The following LRP1B variants were observed in gnomAD, a reference collection of about 807,000 sequenced individuals.
The protein encoded by LRP1B is LDL receptor related protein 1B, also known as low-density lipoprotein receptor-related protein 1B.
A neutral mutation model predicts 556.6 loss-of-function variants in LRP1B; 217 were observed. The ratio of observed to expected loss-of-function variants is 0.39; its 90% CI spans 0.35 to 0.44. LRP1B has a LOEUF of 0.44. LRP1B is among the 20% of genes least tolerant of loss of function. The probability of loss-of-function intolerance (pLI) is 1.00; values close to 1 mark genes in which losing one functional copy is unlikely to be tolerated. For synonymous variants in LRP1B, 2,047 were observed against 1,865.8 expected (o/e 1.10, Z -2.50); for missense variants, 5,053 against 5,620.8 (o/e 0.90, Z 3.23).
intron 29 of LRP1B, among the ~76,000 whole-genome samples, chr2:140,849,127 C>T (rs439460): frequency 3.4e-4 from 49 of 142,416 alleles, no homozygotes; most frequent in East Asian, 1.9e-3. Flanking sequence ...GAGGCCAAGG[C>T]GGGTGGATTG....
At chr2:140,862,061 T>A (rs561610176) in intron 27 of LRP1B, among the ~76,000 whole-genome samples, 1 of 152,324 alleles carries the variant, frequency 6.6e-6, no homozygotes, top group South Asian at 2.1e-4. Flanking sequence ...TTGCCTTCAA[T>A]CTACAATTGA....
At chr2:140,877,641 A>T (rs529555109) in intron 25 of LRP1B, among the ~76,000 whole-genome samples, 66 of 152,150 alleles carry the variant, frequency 4.3e-4, no homozygotes, top group Non-Finnish European at 8.4e-4. Context: ...TGCCTTCTTT[A>T]CAGAGGCTAA....
chr2:141,242,366 C>T (rs1329152753), intron 5 of LRP1B, among the ~76,000 whole-genome samples: 1 of 152,024 alleles, frequency 6.6e-6, no homozygotes, highest in Non-Finnish European at 1.5e-5. Context: ...TAGGAAGTTA[C>T]ATTTTGTTTA....
chr2:141,607,709 G>A (rs908136589), intron 2 of LRP1B, among the ~76,000 whole-genome samples: 1 of 152,058 alleles, frequency 6.6e-6, no homozygotes, highest in Non-Finnish European at 1.5e-5. Context: ...GATTGTTTGA[G>A]TTCAGGAGTT....
intron 1 of LRP1B, among the ~76,000 whole-genome samples, chr2:142,081,326 T>G (rs1007197527): frequency 3.6e-4 from 54 of 152,016 alleles, no homozygotes; most frequent in Non-Finnish European, 6.8e-4. Flanking sequence ...ATGAGGGAGT[T>G]TTTTTTTCTA....
chr2:141,310,074 A>T (rs745502666), intron 3 of LRP1B, among the ~76,000 whole-genome samples: 5 of 152,152 alleles, frequency 3.3e-5, no homozygotes, highest in Non-Finnish European at 5.9e-5. Flanking sequence ...TTCCAAAAGA[A>T]AGGGGATAAT....
intron 43 of LRP1B, among the ~76,000 whole-genome samples, chr2:140,580,558 T>C (rs954276125): frequency 6.6e-6 from 1 of 152,198 alleles, no homozygotes; most frequent in Non-Finnish European, 1.5e-5. Flanking sequence ...TGTAACAGCC[T>C]ATTAAATAAT....
At chr2:140,716,611 T>A in intron 36 of LRP1B, 71 bp downstream of exon 36, 1 of 1,458,062 alleles carries the variant, frequency 6.9e-7, no homozygotes, top group Non-Finnish European at 9.2e-7. Flanking sequence ...TAGAAAAGAT[T>A]TTTTATGAAG....
At chr2:141,420,494 T>C (rs563321403) in intron 3 of LRP1B, among the ~76,000 whole-genome samples, 1 of 147,938 alleles carries the variant, frequency 6.8e-6, no homozygotes, top group African/African-American at 2.5e-5. Flanking sequence ...GCAGCTACTT[T>C]ACCAAAAGCT....
chr2:140,948,253 C>T (rs1039595384), intron 20 of LRP1B, among the ~76,000 whole-genome samples: 2 of 152,020 alleles, frequency 1.3e-5, no homozygotes, highest in African/African-American at 4.8e-5. Flanking sequence ...GCACACCCCA[C>T]GAGGAGCCTT....
At chr2:141,787,615 A>C (rs1199963191) in intron 2 of LRP1B, among the ~76,000 whole-genome samples, 2 of 151,920 alleles carry the variant, frequency 1.3e-5, no homozygotes, top group African/African-American at 2.4e-5. Context: ...AGAAAAAAAA[A>C]CAACTTCTTG....
At chr2:141,168,872 G>T (rs889822454) in intron 7 of LRP1B, among the ~76,000 whole-genome samples, 1 of 151,978 alleles carries the variant, frequency 6.6e-6, no homozygotes, top group African/African-American at 2.4e-5. Context: ...AATAATACAA[G>T]CAAAGAGCTT....
intron 2 of LRP1B, among the ~76,000 whole-genome samples, chr2:141,525,384 AC>A (rs1398002792): frequency 6.6e-6 from 1 of 151,984 alleles, no homozygotes; most frequent in African/African-American, 2.4e-5. Flanking sequence ...GGAATAGGCT[AC>A]TGCTTGGGGT....
intron 59 of LRP1B, among the ~76,000 whole-genome samples, chr2:140,479,503 TAAC>T (rs975680672): frequency 5.9e-5 from 9 of 152,194 alleles, no homozygotes; most frequent in African/African-American, 1.9e-4. Context: ...CTTGTAACCA[TAAC>T]AATAGGCCTC....
At chr2:141,803,322 G>A (rs1558886082) in intron 2 of LRP1B, among the ~76,000 whole-genome samples, 1 of 151,328 alleles carries the variant, frequency 6.6e-6, no homozygotes, top group Non-Finnish European at 1.5e-5. Flanking sequence ...CACTGTACTG[G>A]GCAAATGTAC....
rs1449829151 is a variant in LRP1B at position 141,055,251 on chromosome 2, G to C, written c.1417C>G (p.His473Asp). Residue 473 changes from histidine (H) to aspartate (D), a missense_variant, in exon 10 of 91, where the codon CAT (histidine) becomes GAT (aspartate). His to Asp is a moderately conservative substitution (Grantham distance 81, BLOSUM62 -1). This residue lies in a region of LRP1B where 3,619 missense variants were observed against 3,931.9 expected (regional missense o/e 0.92). Coordinates refer to ENST00000389484, the MANE Select transcript of LRP1B (RefSeq NM_018557.3). ...CCATATGGATCGACTTCACATGCAT[G>C]GCTTCTGACTACAACAAATAAAAAA... is the stretch of plus-strand genomic sequence containing the variant. ...QKRTQPTVRS[H>D]ACEVDPYGMP... 6.2e-7 allele frequency: 1 copy of C among 1,609,788 alleles called. No individual in the cohort carries two copies. The highest frequency in any genetic ancestry group is 1.1e-5 in the South Asian group (1 of 90,616).
intron 3 of LRP1B, among the ~76,000 whole-genome samples, chr2:141,404,544 G>T (rs1690559320): frequency 6.6e-6 from 1 of 152,076 alleles, no homozygotes; most frequent in Admixed American, 6.6e-5. Context: ...TTATTATTCT[G>T]CAATTATAAA....
chr2:140,395,516 G>C (rs1452624158), intron 66 of LRP1B, among the ~76,000 whole-genome samples: 1 of 152,180 alleles, frequency 6.6e-6, no homozygotes, highest in African/African-American at 2.4e-5. Flanking sequence ...AGGGAAAGTG[G>C]ACAGGTTATG....
At chr2:141,008,471 T>C (rs1336515189) in intron 14 of LRP1B, among the ~76,000 whole-genome samples, 2 of 151,254 alleles carry the variant, frequency 1.3e-5, no homozygotes, top group Non-Finnish European at 3.0e-5. Context: ...AAAATTGTGC[T>C]CTCAAACACT....
Sources: gnomAD v4.1 joint callset for allele counts (sites outside exome capture counted in the v4.1 genomes callset) on GRCh38, gnomAD v4.1.1 for gene constraint, gnomAD v4.1.1 regional missense constraint, MANE v1.5 for transcripts, NCBI Gene and HGNC (gene_info 2026-07-23, HGNC 2026-07-21) for gene names.